The following PCLO variants were observed in gnomAD, a reference collection of about 807,000 sequenced individuals.
PCLO encodes piccolo presynaptic cytomatrix protein.
Under a neutral mutation model 427.5 loss-of-function variants are expected in PCLO, and 82 were observed. That is an observed-to-expected ratio of 0.19 (90% CI 0.16 to 0.23). The LOEUF (loss-of-function observed/expected upper bound fraction) is 0.23. Among genes scored for constraint, PCLO ranks in the 10% least tolerant of loss-of-function variants. PCLO has a pLI of 1.00. For missense variants in PCLO, 6,239 were observed against 6,115.9 expected (o/e 1.02, Z -0.67); for synonymous variants, 2,357 against 2,155.4 (o/e 1.09, Z -2.59).
intron 2 of PCLO, among the ~76,000 whole-genome samples, chr7:83,146,551 A>C (rs2116655431): frequency 6.6e-6 from 1 of 152,166 alleles, no homozygotes; most frequent in South Asian, 2.1e-4. Flanking sequence ...ATAAACAATG[A>C]GCAAGTTAAC....
intron 3 of PCLO, among the ~76,000 whole-genome samples, chr7:82,990,138 T>C (rs1796344088): frequency 6.6e-6 from 1 of 151,508 alleles, no homozygotes; most frequent in Non-Finnish European, 1.5e-5. Context: ...CCCAGAGAGG[T>C]TGTAGGAGTT....
At chr7:83,122,431 G>A (rs957111787) in intron 3 of PCLO, among the ~76,000 whole-genome samples, 2 of 151,800 alleles carry the variant, frequency 1.3e-5, no homozygotes, top group South Asian at 2.1e-4. Context: ...GATTACAGAC[G>A]TCCACCACCA....
At chr7:83,104,183 T>A (rs57223840) in intron 3 of PCLO, among the ~76,000 whole-genome samples, 69,366 of 151,412 alleles carry the variant, frequency 0.46, 16,246 homozygotes, top group East Asian at 0.71. Flanking sequence ...AAATAAAGAC[T>A]TTAAATAAAA....
intron 3 of PCLO, among the ~76,000 whole-genome samples, chr7:82,999,402 C>A (rs1247191930): frequency 1.5e-5 from 1 of 65,520 alleles, no homozygotes; most frequent in African/African-American, 8.8e-5. Flanking sequence ...ATAATATATA[C>A]TATTCCATTA....
At chr7:82,789,763 A>G (rs926456300) in intron 22 of PCLO, among the ~76,000 whole-genome samples, 1 of 152,172 alleles carries the variant, frequency 6.6e-6, no homozygotes, top group Non-Finnish European at 1.5e-5. Flanking sequence ...TTACTCTTTT[A>G]ACTCATCTTT....
At chr7:83,031,745 CCTCT>C (rs777111767) in intron 3 of PCLO, among the ~76,000 whole-genome samples, 5 of 148,056 alleles carry the variant, frequency 3.4e-5, no homozygotes, top group South Asian at 2.2e-4. Flanking sequence ...CCTCCCCCTC[CCTCT>C]CTCTCTCTCA....
chr7:82,809,406 C>T (rs1244320019), intron 20 of PCLO, among the ~76,000 whole-genome samples: 2 of 151,618 alleles, frequency 1.3e-5, no homozygotes, highest in African/African-American at 2.4e-5. Context: ...TTAAAGTTAT[C>T]TGTAAAGGCC....
At chr7:82,874,996 T>C (rs184080615) in intron 10 of PCLO, among the ~76,000 whole-genome samples, 257 of 152,310 alleles carry the variant, frequency 1.7e-3, no homozygotes, top group African/African-American at 5.9e-3. Context: ...GATTTGTAAA[T>C]TCCCCAGATC....
At position 83,146,706 on chromosome 7, in the gene PCLO, C is replaced by T. The variant is rs370909762; in HGVS notation, c.1893+8042G>A. Among the ~76,000 whole-genome samples the T allele has an allele frequency of 1.7e-3, 252 of 152,104 alleles. 1 individual carries two copies. The highest frequency in any genetic ancestry group is 5.8e-3 in the South Asian group (28 of 4,828). ...CTGCCTCTCGGGTTCAAGTGATTCCCCTGCCTCACTCAGACTCCAGAGTAG... is the reference window on the plus strand; with the variant it reads ...CTGCCTCTCGGGTTCAAGTGATTCCTCTGCCTCACTCAGACTCCAGAGTAG... On this transcript the variant is annotated intron_variant, in intron 2 of 24. Transcript: ENST00000333891.
At chr7:82,998,599 G>A (rs1000687240) in intron 3 of PCLO, among the ~76,000 whole-genome samples, 7 of 151,724 alleles carry the variant, frequency 4.6e-5, no homozygotes, top group African/African-American at 1.7e-4. Flanking sequence ...GAGAGAATGT[G>A]GACTGAGAAA....
intron 20 of PCLO, among the ~76,000 whole-genome samples, chr7:82,807,628 C>T (rs755349952): frequency 3.8e-4 from 58 of 151,964 alleles, no homozygotes; most frequent in African/African-American, 1.3e-3. Context: ...TCAATTTCGT[C>T]GGTAGCAGGT....
At chr7:83,151,498 T>C (rs79957570) in intron 2 of PCLO, among the ~76,000 whole-genome samples, 3,452 of 152,330 alleles carry the variant, frequency 0.023, 136 homozygotes, top group African/African-American at 0.077. Flanking sequence ...AATGGTGCCA[T>C]TGTAACAGAA....
chr7:83,030,132 AAAG>A (rs1201965558), intron 3 of PCLO, among the ~76,000 whole-genome samples: 84 of 145,902 alleles, frequency 5.8e-4, no homozygotes, highest in Non-Finnish European at 8.9e-4. Context: ...AAAAAAAAAA[AAAG>A]AAAAGAAAAG....
rs1795484965 is a variant in PCLO at position 82,955,346 on chromosome 7, A to C, written c.5607T>G (p.Gly1869=). Residue 1869 remains glycine (G), a synonymous_variant, in exon 5 of 25, where the codon GGT becomes GGG. Transcript: ENST00000333891. ...YSPSIESDPE[G]FEISPEKIIE... is the part of the protein sequence containing the mutation. ...TTATTTTTTCCGGGCTTATTTCAAA[A>C]CCTTCTGGGTCTGACTCTATGCTAG... The C allele has an allele frequency of 1.2e-6, 2 of 1,613,676 alleles. No homozygotes were observed. Among genetic ancestry groups the C allele is most frequent in the East Asian group, 2.2e-5 (1 of 44,846 alleles).
chr7:82,903,007 T>C (rs1370166606), intron 8 of PCLO, among the ~76,000 whole-genome samples: 2 of 152,044 alleles, frequency 1.3e-5, no homozygotes, highest in Admixed American at 6.6e-5. Flanking sequence ...GTGCATGCAA[T>C]AGGTTCTGAA....
At chr7:83,152,732 TA>T (rs1345543755) in intron 2 of PCLO, among the ~76,000 whole-genome samples, 1 of 152,192 alleles carries the variant, frequency 6.6e-6, no homozygotes, top group Non-Finnish European at 1.5e-5. Context: ...AAGTTCTCCT[TA>T]ATCTCATCCC....
Position 83,156,193 on chromosome 7 carries a change from A to G in PCLO, c.448T>C (p.Ser150Pro). 6.2e-7 allele frequency: 1 copy of G among 1,613,554 alleles called. No homozygotes were observed. The highest frequency in any genetic ancestry group is 8.5e-7 in the Non-Finnish European group (1 of 1,179,688). ...GAGAGGAAGCCAGGCATCATACTAG[A>G]CTTGTGCTCTTCCTTTAAATCAGTT... ...SRTDLKEEHK[S>P]SMMPGFLSEV... Residue 150 changes from serine (S) to proline (P), a missense_variant, in exon 2 of 25, where the codon TCT becomes CCT. Physicochemically the swap from Ser to Pro is moderately conservative, Grantham distance 74. This residue lies in a region of PCLO where 4,677 missense variants were observed against 4,468.4 expected (regional missense o/e 1.05). Coordinates refer to ENST00000333891, the MANE Select transcript of PCLO (RefSeq NM_033026.6).
chr7:83,090,169 G>C (rs1790342914), intron 3 of PCLO, among the ~76,000 whole-genome samples: 4 of 152,084 alleles, frequency 2.6e-5, no homozygotes, highest in Admixed American at 2.6e-4. Context: ...GGGCGTGGTG[G>C]TGCACGCCTG....
In PCLO at chr7:82,950,210, T is replaced by C. The variant is rs1488927067; in HGVS notation, c.10378A>G (p.Arg3460Gly). 1 of 1,612,472 alleles carries C rather than the reference T, an allele frequency of 6.2e-7. No homozygotes were observed. Among genetic ancestry groups the C allele is most frequent in the Non-Finnish European group, 8.5e-7 (1 of 1,179,700 alleles). ...EDATDRSYVSRRRRTKKSVDT... is the reference protein window; with the variant it reads ...EDATDRSYVSGRRRTKKSVDT... ...ACACTCTTTTTAGTTCTCCTTCTCC[T>C]ACTCACATAGCTCCGATCTGTGGCA... The change falls in exon 6 of 25, where the codon AGG becomes GGG. Residue 3460 changes from arginine to glycine, a missense_variant. Physicochemically the swap from Arg to Gly is moderately radical, Grantham distance 125. Around this residue, in one of 5 missense-constraint regions of PCLO, gnomAD observed 4,677 missense variants for 4,468.4 expected, o/e 1.05. Transcript: ENST00000333891.
Sources: allele counts gnomAD v4.1 joint callset (sites outside exome capture counted in the v4.1 genomes callset), GRCh38; gene constraint gnomAD v4.1.1; regional missense constraint gnomAD v4.1.1; transcripts MANE v1.5; gene names NCBI Gene and HGNC (gene_info 2026-07-23, HGNC 2026-07-21).